The following GLCE variants were observed in gnomAD, a reference collection of about 807,000 sequenced individuals.
GLCE encodes D-glucuronyl C5-epimerase.
A neutral mutation model predicts 47.9 loss-of-function variants in GLCE; 19 were observed. The observed-to-expected ratio is 0.40, with a 90% CI of 0.28 to 0.58. GLCE has a LOEUF of 0.58. GLCE is among the 20% of genes least tolerant of loss of function. GLCE has a pLI of 0.48. For missense variants in GLCE, 556 were observed against 743.3 expected (o/e 0.75, Z 2.93); for synonymous variants, 245 against 263.4 (o/e 0.93, Z 0.68).
intron 2 of GLCE, among the ~76,000 whole-genome samples, chr15:69,235,564 C>T (rs2052585885): frequency 6.6e-6 from 1 of 152,098 alleles, no homozygotes; most frequent in South Asian, 2.1e-4. Context: ...ATGATATCAG[C>T]TTAACAGATG....
chr15:69,245,792 C>A (rs745825363), intron 2 of GLCE, among the ~76,000 whole-genome samples: 1 of 151,930 alleles, frequency 6.6e-6, no homozygotes, highest in Non-Finnish European at 1.5e-5. Flanking sequence ...GCAGGGGCAC[C>A]GTGTGAGCTC....
intron 2 of GLCE, among the ~76,000 whole-genome samples, chr15:69,228,658 A>G (rs1209365491): frequency 6.6e-6 from 1 of 152,198 alleles, no homozygotes; most frequent in Non-Finnish European, 1.5e-5. Context: ...TTCTAGTAAA[A>G]GACAAATTTG....
At chr15:69,232,082 C>T (rs1018844266) in intron 2 of GLCE, among the ~76,000 whole-genome samples, 6 of 152,228 alleles carry the variant, frequency 3.9e-5, no homozygotes, top group Non-Finnish European at 5.9e-5. Context: ...CAAGCCACCA[C>T]CCCGGCCTCA....
intron 1 of GLCE, among the ~76,000 whole-genome samples, chr15:69,198,350 C>T (rs1229052478): frequency 6.6e-6 from 1 of 152,140 alleles, no homozygotes; most frequent in Admixed American, 6.6e-5. Flanking sequence ...CATAGCCACT[C>T]AAAACACACA....
Position 69,269,508 on chromosome 15 carries a change from A to C in GLCE, c.*264A>C. 1 of 449,828 alleles carries C rather than the reference A, an allele frequency of 2.2e-6. No homozygotes were observed. Among genetic ancestry groups the C allele is most frequent in the Non-Finnish European group, 4.0e-6 (1 of 251,338 alleles). 27.9% of individuals were successfully genotyped at this position (449,828 alleles called of 1,614,324 possible). The stretch of plus-strand genomic sequence containing the variant: ...TTCACTTTGCCTTGCCCATCACCCT[A>C]TACAGTTTCGCAGATAGTCTAGTCA... On this transcript the variant is annotated 3_prime_UTR_variant, in exon 5 of 5. Coordinates refer to ENST00000261858, the MANE Select transcript of GLCE (RefSeq NM_015554.3).
At chr15:69,238,581 A>AT (rs996185370) in intron 2 of GLCE, among the ~76,000 whole-genome samples, 11 of 152,252 alleles carry the variant, frequency 7.2e-5, no homozygotes, top group African/African-American at 2.6e-4. Flanking sequence ...TGAAATGAAT[A>AT]TTTTTTTAGC....
At chr15:69,205,868 A>G (rs1399696763) in intron 1 of GLCE, among the ~76,000 whole-genome samples, 2 of 152,126 alleles carry the variant, frequency 1.3e-5, no homozygotes, top group Admixed American at 6.6e-5. Context: ...TAGAAGAGTT[A>G]CAAAGATAAT....
intron 1 of GLCE, among the ~76,000 whole-genome samples, chr15:69,203,509 G>C (rs2052105843): frequency 6.6e-6 from 1 of 152,020 alleles, no homozygotes; most frequent in Admixed American, 6.6e-5. Flanking sequence ...TTTGCAATAG[G>C]TACTCCATTC....
chr15:69,171,519 C>T (rs2051588629), intron 1 of GLCE, among the ~76,000 whole-genome samples: 1 of 151,700 alleles, frequency 6.6e-6, no homozygotes, highest in African/African-American at 2.4e-5. Flanking sequence ...GCCTTAGCCT[C>T]CTGAGTAGCT....
intron 1 of GLCE, among the ~76,000 whole-genome samples, chr15:69,193,672 G>C (rs1226396459): frequency 6.6e-6 from 1 of 151,820 alleles, no homozygotes; most frequent in African/African-American, 2.4e-5. Context: ...GGGCGCCTAA[G>C]GTACAAAATT....
chr15:69,268,311 C>A lies in GLCE; in HGVS notation c.921C>A (p.Ser307=). The A allele has an allele frequency of 6.2e-7, 1 of 1,609,544 alleles. No individual in the cohort carries two copies. Among genetic ancestry groups the A allele is most frequent in the African/African-American group, 1.3e-5 (1 of 74,912 alleles). The change falls in exon 5 of 5, where the codon TCC becomes TCA. Residue 307 remains serine (S), a synonymous_variant. Coordinates refer to ENST00000261858, the MANE Select transcript of GLCE (RefSeq NM_015554.3). ...DLKFLTNGSV[S]VVLETTEKNQ... ...AGTTCTTGACAAATGGAAGTGTGTC[C>A]GTGGTTCTAGAGACCACAGAAAAGA...
chr15:69,239,302 C>G (rs1474218172), intron 2 of GLCE, among the ~76,000 whole-genome samples: 1 of 152,162 alleles, frequency 6.6e-6, no homozygotes, highest in Non-Finnish European at 1.5e-5. Flanking sequence ...ACAACACAGA[C>G]ATGATGGCTG....
intron 2 of GLCE, among the ~76,000 whole-genome samples, chr15:69,235,090 A>ATTTTT (rs2052577156): frequency 2.4e-5 from 2 of 82,484 alleles, no homozygotes; most frequent in African/African-American, 1.1e-4. Context: ...GATGAAGATT[A>ATTTTT]TTCTTTTTTT....
Position 69,261,283 on chromosome 15 carries a change from G to A in GLCE, c.783G>A (p.Val261=). ...TVPKGCFMAN[V]ADKSRFTNVK... ...CAAAGGGCTGCTTTATGGCGAATGT[G>A]GCTGATAAGTCTAGATTCACCAATG... The change falls in exon 4 of 5, where the codon GTG becomes GTA. Residue 261 remains valine (V), a synonymous_variant. Coordinates refer to ENST00000261858, the MANE Select transcript of GLCE (RefSeq NM_015554.3). 3 of 1,613,898 alleles carry A rather than the reference G, an allele frequency of 1.9e-6. No individual in the cohort carries two copies. Among genetic ancestry groups the A allele is most frequent in the Non-Finnish European group, 1.7e-6 (2 of 1,179,950 alleles).
intron 1 of GLCE, among the ~76,000 whole-genome samples, chr15:69,206,919 G>A (rs1444553173): frequency 1.3e-5 from 2 of 151,880 alleles, no homozygotes; most frequent in African/African-American, 2.4e-5. Context: ...ATCTATAATT[G>A]TTTCTGTACC....
At chr15:69,222,239 G>C (rs1241243448) in intron 2 of GLCE, among the ~76,000 whole-genome samples, 3 of 152,206 alleles carry the variant, frequency 2.0e-5, no homozygotes, top group Admixed American at 2.0e-4. Context: ...CATTCCATGA[G>C]GTATGGCAGC....
chr15:69,250,984 G>A (rs186278437), intron 2 of GLCE, among the ~76,000 whole-genome samples: 86 of 151,920 alleles, frequency 5.7e-4, no homozygotes, highest in South Asian at 6.2e-4. Context: ...GAATTTCCCA[G>A]TCCAGAACCA....
At chr15:69,242,111 T>C (rs1476869705) in intron 2 of GLCE, among the ~76,000 whole-genome samples, 1 of 151,430 alleles carries the variant, frequency 6.6e-6, no homozygotes, top group Non-Finnish European at 1.5e-5. Flanking sequence ...GATAAGGAAA[T>C]CCATAGCTAC....
At chr15:69,171,805 T>C (rs1566946137) in intron 1 of GLCE, among the ~76,000 whole-genome samples, 1 of 152,182 alleles carries the variant, frequency 6.6e-6, no homozygotes, top group African/African-American at 2.4e-5. Flanking sequence ...TTAGGGGTAT[T>C]ATAAGAGTTC....
Sources: allele counts gnomAD v4.1 joint callset (sites outside exome capture counted in the v4.1 genomes callset), GRCh38; gene constraint gnomAD v4.1.1; transcripts MANE v1.5; gene names NCBI Gene and HGNC (gene_info 2026-07-23, HGNC 2026-07-21).